The following NRXN1 variants were observed in gnomAD, a reference collection of about 807,000 sequenced individuals.
NRXN1 encodes the protein neurexin 1, also known as neurexin-1.
Under a neutral mutation model 150.9 loss-of-function variants are expected in NRXN1, and 39 were observed. The ratio of observed to expected loss-of-function variants is 0.26; its 90% CI spans 0.20 to 0.34. The LOEUF is 0.34. Among genes scored for constraint, NRXN1 ranks in the 10% least tolerant of loss-of-function variants. NRXN1 has a pLI of 1.00. For missense variants in NRXN1, 1,815 were observed against 1,949.9 expected, an observed-to-expected ratio of 0.93 and a Z score of 1.30; for synonymous variants, 924 against 757.0, an observed-to-expected ratio of 1.22 and a Z score of -3.62.
At chr2:50,119,757 G>T (rs1475110521) in intron 18 of NRXN1, among the ~76,000 whole-genome samples, 1 of 152,098 alleles carries the variant, frequency 6.6e-6, no homozygotes, top group Non-Finnish European at 1.5e-5. Context: ...ATCAGTCTTT[G>T]AAACTGCCAC....
At chr2:50,109,468 AT>A (rs1702092714) in intron 18 of NRXN1, among the ~76,000 whole-genome samples, 1 of 152,118 alleles carries the variant, frequency 6.6e-6, no homozygotes, top group Admixed American at 6.5e-5. Flanking sequence ...CAGAAATGGC[AT>A]TGCTTTGACT....
rs373420117 is a variant in NRXN1, at chr2:50,209,445, T to C, written c.3546+27344A>G. On this transcript the variant is annotated intron_variant, in intron 18 of 22. Coordinates refer to ENST00000401669, the MANE Select transcript of NRXN1 (RefSeq NM_001330078.2). ...GTCTAACTCCATGACGTGGGTAGTA[T>C]TGGAGCCTTCATTTTACAAACGAGA... 9.7e-4 allele frequency among the ~76,000 whole-genome samples: 148 copies of C among 152,230 alleles called. 3 individuals carry two copies. In the South Asian group the frequency reaches 0.013, roughly 13 times the overall value.
intron 5 of NRXN1, among the ~76,000 whole-genome samples, chr2:50,663,169 A>G (rs1310051578): frequency 6.6e-6 from 1 of 152,000 alleles, no homozygotes; most frequent in East Asian, 1.9e-4. Context: ...ACCGTTCATC[A>G]TGTCCTTTTG....
rs571480998 is a variant in NRXN1, at chr2:50,415,517, C to T, written c.3364+49925G>A. 2.0e-5 allele frequency among the ~76,000 whole-genome samples: 3 copies of T among 152,260 alleles called. No homozygotes were observed. The East Asian group carries it at 5.8e-4, about 29-fold the overall frequency. On this transcript the variant is annotated intron_variant, in intron 17 of 22. Coordinates refer to ENST00000401669, the MANE Select transcript of NRXN1 (RefSeq NM_001330078.2). Reference sequence around the variant, plus strand: ...ATTTCTAGCACACGCTGCATAGAGTCTGCAAATGTTCTGATGAAGCATGGA... The same window carrying T: ...ATTTCTAGCACACGCTGCATAGAGTTTGCAAATGTTCTGATGAAGCATGGA...
At chr2:50,338,257 A>G (rs1158736997) in intron 17 of NRXN1, among the ~76,000 whole-genome samples, 1 of 152,216 alleles carries the variant, frequency 6.6e-6, no homozygotes, top group African/African-American at 2.4e-5. Context: ...GGACTTCAAG[A>G]AAATGTAGCT....
chr2:50,709,248 G>C (rs1694831387), intron 5 of NRXN1, among the ~76,000 whole-genome samples: 3 of 152,136 alleles, frequency 2.0e-5, no homozygotes, highest in Non-Finnish European at 4.4e-5. Flanking sequence ...CCTGTTATAT[G>C]CTTGCTAGGT....
chr2:50,864,315 AAC>A (rs1182822012), intron 5 of NRXN1, among the ~76,000 whole-genome samples: 1 of 152,010 alleles, frequency 6.6e-6, no homozygotes, highest in African/African-American at 2.4e-5. Flanking sequence ...CTGTGGGTCA[AAC>A]ACACACATGA....
At chr2:50,028,826 G>A (rs1452242081) in intron 21 of NRXN1, among the ~76,000 whole-genome samples, 1 of 152,200 alleles carries the variant, frequency 6.6e-6, no homozygotes, top group Non-Finnish European at 1.5e-5. Flanking sequence ...GACAGTGGTT[G>A]TATTAGGTAA....
intron 17 of NRXN1, among the ~76,000 whole-genome samples, chr2:50,446,812 A>T (rs903503653): frequency 6.6e-6 from 1 of 152,082 alleles, no homozygotes; most frequent in African/African-American, 2.4e-5. Context: ...ACAAATATGC[A>T]TTATTTTTAT....
At chr2:49,977,804 C>T (rs1679248142) in intron 21 of NRXN1, among the ~76,000 whole-genome samples, 1 of 152,092 alleles carries the variant, frequency 6.6e-6, no homozygotes, top group Non-Finnish European at 1.5e-5. Flanking sequence ...GAGAAATTAA[C>T]CTAATTGAAA....
At chr2:50,611,950 T>A (rs1248663686) in intron 8 of NRXN1, among the ~76,000 whole-genome samples, 1 of 152,150 alleles carries the variant, frequency 6.6e-6, no homozygotes, top group East Asian at 1.9e-4. Flanking sequence ...CCCAGCAATC[T>A]AGGCTGCATT....
At chr2:50,608,257 G>T (rs147868484) in intron 8 of NRXN1, among the ~76,000 whole-genome samples, 53 of 152,334 alleles carry the variant, frequency 3.5e-4, no homozygotes, top group African/African-American at 1.2e-3. Flanking sequence ...TACTGCCAAT[G>T]ATGACAATAT....
chr2:50,069,976 G>C (rs570776677), intron 19 of NRXN1, among the ~76,000 whole-genome samples: 203 of 149,776 alleles, frequency 1.4e-3, no homozygotes, highest in Non-Finnish European at 2.3e-3. Context: ...TCAGCCTCCC[G>C]AGTAGCTGGA....
At chr2:50,248,439 A>G (rs1383731777) in intron 17 of NRXN1, among the ~76,000 whole-genome samples, 1 of 152,164 alleles carries the variant, frequency 6.6e-6, no homozygotes, top group Non-Finnish European at 1.5e-5. Context: ...GAGAGCATTT[A>G]GAGGTGGGCA....
intron 18 of NRXN1, among the ~76,000 whole-genome samples, chr2:50,222,647 C>T (rs1187642015): frequency 6.6e-6 from 1 of 151,846 alleles, no homozygotes; most frequent in Non-Finnish European, 1.5e-5. Context: ...TTAGGGTCTG[C>T]TACCCTCATA....
At chr2:50,044,441 G>A (rs563354806) in intron 21 of NRXN1, among the ~76,000 whole-genome samples, 75 of 152,272 alleles carry the variant, frequency 4.9e-4, no homozygotes, top group Non-Finnish European at 5.9e-4. Flanking sequence ...AGATTTTAAA[G>A]ACATCAGCAA....
intron 17 of NRXN1, chr2:50,464,458 A>T (rs1233235085): frequency 6.6e-6 from 1 of 151,942 alleles, no homozygotes; most frequent in Non-Finnish European, 1.5e-5. Flanking sequence ...CGATGCACAT[A>T]TCTGTTGACA....
intron 2 of NRXN1, among the ~76,000 whole-genome samples, chr2:50,964,657 T>C (rs1183630612): frequency 2.0e-5 from 3 of 151,464 alleles, no homozygotes; most frequent in Admixed American, 1.3e-4. Flanking sequence ...ACACATGAAT[T>C]TGACAACTTT....
At chr2:50,752,964 T>C (rs1373404102) in intron 5 of NRXN1, among the ~76,000 whole-genome samples, 1 of 151,982 alleles carries the variant, frequency 6.6e-6, no homozygotes, top group Non-Finnish European at 1.5e-5. Flanking sequence ...TCTAATTTAA[T>C]AGCCATCTTT....
Sources: gnomAD v4.1 joint callset for allele counts (sites outside exome capture counted in the v4.1 genomes callset) on GRCh38, gnomAD v4.1.1 for gene constraint, MANE v1.5 for transcripts, NCBI Gene and HGNC (gene_info 2026-07-23, HGNC 2026-07-21) for gene names.